ARHGEF6: variants seen among roughly 807,000 people sequenced by gnomAD.
ARHGEF6 encodes Rac/Cdc42 guanine nucleotide exchange factor 6, also known as rho guanine nucleotide exchange factor 6.
A neutral mutation model predicts 70.3 loss-of-function variants in ARHGEF6; 9 were observed. The observed-to-expected ratio is 0.13, with a 90% CI of 0.08 to 0.22. The LOEUF (loss-of-function observed/expected upper bound fraction) is 0.22, where lower values mean the gene tolerates loss of function less well. Ranked by LOEUF, ARHGEF6 falls within the 10% of genes least tolerant of loss-of-function variation. The pLI is 1.00. For missense variants in ARHGEF6, 470 were observed against 563.0 expected (o/e 0.83, Z 1.67); for synonymous variants, 201 against 207.8 (o/e 0.97, Z 0.28).
At chrX:136,728,566 C>T (rs1340491461) in intron 6 of ARHGEF6, among the ~76,000 whole-genome samples, 1 of 105,805 alleles carries the variant, frequency 9.5e-6, no homozygotes, top group East Asian at 3.1e-4. Flanking sequence ...TGTGTCGACC[C>T]AAGTTGGCAC....
chrX:136,762,636 C>G (rs190937624), intron 2 of ARHGEF6, among the ~76,000 whole-genome samples: 1 of 111,496 alleles, frequency 9.0e-6, no homozygotes, highest in Admixed American at 9.5e-5. Flanking sequence ...CAATTACAGG[C>G]TTGTGCCACG....
At chrX:136,777,094 G>A (rs1205128466) in intron 2 of ARHGEF6, among the ~76,000 whole-genome samples, 2 of 110,162 alleles carry the variant, frequency 1.8e-5, no homozygotes, top group African/African-American at 3.3e-5. Context: ...GCATGGTGGC[G>A]GGCGCCTGTA....
chrX:136,672,107 T>C lies in ARHGEF6; in HGVS notation c.2048A>G (p.Asp683Gly). 2 of 1,203,856 alleles carry C rather than the reference T, an allele frequency of 1.7e-6. No individual in the cohort carries two copies. The highest frequency in any genetic ancestry group is 1.1e-6 in the Non-Finnish European group (1 of 888,288). Reference sequence around the variant, plus strand: ...AGGGAGTAGGACTTGTGGAATGGAATCTTTTCGAGTACCTACAAACAAGGG... The same window carrying C: ...AGGGAGTAGGACTTGTGGAATGGAACCTTTTCGAGTACCTACAAACAAGGG... ...QQGHGSSTRK[D>G]SIPQVLLPEE... is the part of the protein sequence containing the mutation. The change falls in exon 20 of 22, where the codon GAT (aspartate) becomes GGT (glycine). Residue 683 changes from aspartate to glycine, a missense_variant. By Grantham distance (94) the Asp-to-Gly change is moderately conservative. Around this residue, in one of 3 missense-constraint regions of ARHGEF6, gnomAD observed 88 missense variants for 95.5 expected, o/e 0.92. Coordinates refer to ENST00000250617, the MANE Select transcript of ARHGEF6 (RefSeq NM_004840.3).
In ARHGEF6 at chrX:136,729,992, A is replaced by C. The variant is rs181028123; in HGVS notation, c.732+2110T>G. ...AAGAAAATTTGGCATGAAATTCACT[A>C]ACATGTTAATAGTGATTATTTCTAA... is the stretch of plus-strand genomic sequence containing the variant. On this transcript the variant is annotated intron_variant, in intron 6 of 21. Coordinates refer to ENST00000250617, the MANE Select transcript of ARHGEF6 (RefSeq NM_004840.3). Among the ~76,000 whole-genome samples the C allele has an allele frequency of 3.4e-3, 382 of 110,948 alleles. 2 individuals are homozygous for C. Among genetic ancestry groups the C allele is most frequent in the African/African-American group, 0.012 (360 of 30,536 alleles).
intron 9 of ARHGEF6, among the ~76,000 whole-genome samples, chrX:136,692,367 C>A (rs941564747): frequency 2.7e-5 from 3 of 111,593 alleles, no homozygotes; most frequent in African/African-American, 9.8e-5. Flanking sequence ...GCTGGGACTA[C>A]AGGCATGAAC....
chrX:136,723,021 T>C (rs1225547960), intron 6 of ARHGEF6, among the ~76,000 whole-genome samples: 1 of 112,718 alleles, frequency 8.9e-6, no homozygotes, highest in Admixed American at 9.4e-5. Flanking sequence ...GAAAATATTA[T>C]GCTAAGTGAA....
chrX:136,736,778 T>C (rs1341875617), intron 5 of ARHGEF6, among the ~76,000 whole-genome samples: 1 of 111,159 alleles, frequency 9.0e-6, no homozygotes, highest in Non-Finnish European at 1.9e-5. Flanking sequence ...GCTTTGGCCG[T>C]AATTATCTCT....
At chrX:136,723,655 G>C (rs1049881575) in intron 6 of ARHGEF6, among the ~76,000 whole-genome samples, 3 of 111,849 alleles carry the variant, frequency 2.7e-5, no homozygotes, top group African/African-American at 9.8e-5. Context: ...CAGGGGGAGT[G>C]GCTCATGCCT....
At chrX:136,675,202 G>A in intron 18 of ARHGEF6, 106 bp from the exon 19 acceptor site, 1 of 671,235 alleles carries the variant, frequency 1.5e-6, no homozygotes, top group Non-Finnish European at 2.4e-6. Context: ...GACCAGTAGA[G>A]TTTGTGAAAG....
intron 19 of ARHGEF6, among the ~76,000 whole-genome samples, chrX:136,673,834 TTCTC>T (rs911839914): frequency 3.7e-5 from 4 of 108,542 alleles, no homozygotes; most frequent in African/African-American, 1.3e-4. Flanking sequence ...CTCTCTCTCT[TTCTC>T]TCTCTCTCTC....
chrX:136,676,969 T>C (rs904440192), intron 17 of ARHGEF6, among the ~76,000 whole-genome samples: 5 of 112,438 alleles, frequency 4.4e-5, no homozygotes, highest in African/African-American at 1.6e-4. Context: ...CTACTGAAGA[T>C]GTGGCAGATT....
chrX:136,764,297 GTATA>G (rs1414601302), intron 2 of ARHGEF6, among the ~76,000 whole-genome samples: 1 of 111,936 alleles, frequency 8.9e-6, no homozygotes, highest in East Asian at 2.8e-4. Context: ...AGAAATGGGT[GTATA>G]TATTCTCCAG....
chrX:136,705,720 C>T (rs2076620236), intron 9 of ARHGEF6, among the ~76,000 whole-genome samples: 1 of 112,328 alleles, frequency 8.9e-6, no homozygotes, highest in South Asian at 3.7e-4. Context: ...ACTCCAATTT[C>T]CATATTTGCT....
intron 2 of ARHGEF6, among the ~76,000 whole-genome samples, chrX:136,752,164 G>A (rs2077158808): frequency 8.9e-6 from 1 of 112,171 alleles, no homozygotes; most frequent in Admixed American, 9.4e-5. Context: ...CATCTGCATC[G>A]AGTTTGTTAT....
chrX:136,708,575 T>A, intron 8 of ARHGEF6, 100 bp downstream of exon 8: 1 of 692,614 alleles, frequency 1.4e-6, no homozygotes, highest in East Asian at 3.6e-5. Flanking sequence ...TAACAAATAC[T>A]TAACTATGAA....
chrX:136,723,386 C>T (rs897232918), intron 6 of ARHGEF6, among the ~76,000 whole-genome samples: 1 of 111,968 alleles, frequency 8.9e-6, no homozygotes, highest in African/African-American at 3.2e-5. Context: ...TCTGTTTTTT[C>T]TCTGACTCCA....
rs1250325223 is a variant in ARHGEF6 at position 136,694,678 on chromosome X, C to A, written c.1047-3930G>T. On this transcript the variant is annotated intron_variant, in intron 9 of 21. Transcript: ENST00000250617. ...AAAAAGGATGAATGCCACACTGAAG[C>A]AAGCACAGGAGAGAAGAGGGTATTT... Among the ~76,000 whole-genome samples the A allele has an allele frequency of 2.7e-5, 3 of 111,601 alleles. No homozygotes were observed. The Admixed American group carries it at 2.8e-4, about 11-fold the overall frequency.
intron 12 of ARHGEF6, among the ~76,000 whole-genome samples, chrX:136,683,198 T>A (rs376799125): frequency 2.7e-5 from 3 of 111,772 alleles, no homozygotes; most frequent in African/African-American, 9.8e-5. Flanking sequence ...AAAATGAAAA[T>A]ATATTTTACT....
At chrX:136,745,080 T>C (rs2077081909) in intron 4 of ARHGEF6, 143 bp downstream of exon 4, 1 of 826,090 alleles carries the variant, frequency 1.2e-6, no homozygotes, top group African/African-American at 2.0e-5. Flanking sequence ...CCAGCCTGAA[T>C]TGGTGCTCGG....
Sources: allele counts gnomAD v4.1 joint callset (sites outside exome capture counted in the v4.1 genomes callset), GRCh38; gene constraint gnomAD v4.1.1; regional missense constraint gnomAD v4.1.1; transcripts MANE v1.5; gene names NCBI Gene and HGNC (gene_info 2026-07-23, HGNC 2026-07-21).